The following PACRG variants were observed in gnomAD, a reference collection of about 807,000 sequenced individuals.
PACRG encodes parkin coregulated gene protein.
Under a neutral mutation model 29.7 loss-of-function variants are expected in PACRG, and 29 were observed. That is an observed-to-expected ratio of 0.98 (90% CI 0.73 to 1.33). PACRG has a LOEUF of 1.33. Ranked by LOEUF, PACRG falls within the 40% of genes most tolerant of loss-of-function variation. PACRG has a pLI of 0.00. For missense variants in PACRG, 279 were observed against 316.2 expected (o/e 0.88, Z 0.89); for synonymous variants, 116 against 118.7 (o/e 0.98, Z 0.15).
At chr6:162,818,902 C>T (rs1043641829) in intron 2 of PACRG, among the ~76,000 whole-genome samples, 4 of 152,046 alleles carry the variant, frequency 2.6e-5, no homozygotes, top group African/African-American at 9.7e-5. Context: ...GGATAGAATA[C>T]CACCCTTTTA....
chr6:163,295,262 A>C (rs889707451), intron 4 of PACRG, among the ~76,000 whole-genome samples: 1 of 152,238 alleles, frequency 6.6e-6, no homozygotes, highest in African/African-American at 2.4e-5. Context: ...AAAAGAAAAA[A>C]TGACACGGAC....
At chr6:163,116,168 G>A (rs905352109) in intron 4 of PACRG, among the ~76,000 whole-genome samples, 5 of 152,180 alleles carry the variant, frequency 3.3e-5, no homozygotes, top group African/African-American at 7.2e-5. Flanking sequence ...GAAGCATAGC[G>A]GCTTCTGCTC....
chr6:163,071,296 C>T (rs1419108498), intron 3 of PACRG, among the ~76,000 whole-genome samples: 1 of 152,058 alleles, frequency 6.6e-6, no homozygotes. Context: ...TGTTAGGTCA[C>T]AAAACAACTC....
intron 4 of PACRG, among the ~76,000 whole-genome samples, chr6:163,109,900 T>C (rs1206502117): frequency 3.3e-5 from 5 of 152,136 alleles, no homozygotes; most frequent in African/African-American, 1.2e-4. Context: ...AACTGGTTCA[T>C]TAGAGAGAAA....
At chr6:163,277,266 C>T (rs139926235) in intron 4 of PACRG, among the ~76,000 whole-genome samples, 1,688 of 152,060 alleles carry the variant, frequency 0.011, 32 homozygotes, top group African/African-American at 0.039. Flanking sequence ...ACGTACCCTT[C>T]CCCCTGAGTC....
intron 4 of PACRG, among the ~76,000 whole-genome samples, chr6:163,110,486 A>G (rs926346625): frequency 3.3e-5 from 5 of 152,190 alleles, no homozygotes; most frequent in Non-Finnish European, 5.9e-5. Flanking sequence ...TCCCCTCCAC[A>G]TGAGACACTG....
At chr6:162,899,347 G>A (rs912145876) in intron 2 of PACRG, among the ~76,000 whole-genome samples, 7 of 152,238 alleles carry the variant, frequency 4.6e-5, no homozygotes, top group South Asian at 2.1e-4. Context: ...GAAACCACGG[G>A]GGGAAAGCAG....
intron 2 of PACRG, among the ~76,000 whole-genome samples, chr6:162,829,869 C>T (rs1469493999): frequency 6.6e-6 from 1 of 152,058 alleles, no homozygotes; most frequent in Non-Finnish European, 1.5e-5. Context: ...CTGTCCTGAC[C>T]CTGTCATCAC....
At chr6:162,881,496 A>G (rs986868307) in intron 2 of PACRG, among the ~76,000 whole-genome samples, 1 of 152,182 alleles carries the variant, frequency 6.6e-6, no homozygotes, top group African/African-American at 2.4e-5. Context: ...TCCAATCATC[A>G]TGTTCAAGAG....
intron 4 of PACRG, among the ~76,000 whole-genome samples, chr6:163,185,307 AG>A (rs1779866317): frequency 6.6e-6 from 1 of 152,202 alleles, no homozygotes. Context: ...AAGCTAAGAA[AG>A]AAAGATCAGG....
At chr6:163,188,444 G>A (rs1780055170) in intron 4 of PACRG, among the ~76,000 whole-genome samples, 1 of 152,176 alleles carries the variant, frequency 6.6e-6, no homozygotes, top group Admixed American at 6.5e-5. Context: ...TCTTAGAGGT[G>A]AGCTTGTTAA....
chr6:163,010,721 C>T (rs2128210223), intron 2 of PACRG, among the ~76,000 whole-genome samples: 1 of 152,350 alleles, frequency 6.6e-6, no homozygotes, highest in Non-Finnish European at 1.5e-5. Flanking sequence ...AATTCGGTCA[C>T]TCAACGAGAA....
intron 2 of PACRG, among the ~76,000 whole-genome samples, chr6:163,037,798 C>T (rs1334494948): frequency 1.3e-5 from 2 of 152,172 alleles, no homozygotes; most frequent in South Asian, 2.1e-4. Flanking sequence ...TACTGCTGGC[C>T]GCTTGCTCTC....
In PACRG at chr6:163,238,265, C is replaced by A. The variant is rs184899365; in HGVS notation, c.614-76562C>A. Reference sequence around the variant, plus strand: ...TATTAGCTGAATAAATATTTATATGCATGATATAATGGAATAAAAGAGGGA... The same window carrying A: ...TATTAGCTGAATAAATATTTATATGAATGATATAATGGAATAAAAGAGGGA... On this transcript the variant is annotated intron_variant, in intron 4 of 4. Transcript: ENST00000366888. Among the ~76,000 whole-genome samples the A allele has an allele frequency of 2.1e-3, 322 of 152,132 alleles. 1 individual carries two copies. Among genetic ancestry groups the A allele is most frequent in the African/African-American group, 7.5e-3 (312 of 41,486 alleles).
chr6:162,985,663 T>G (rs1802826034), intron 2 of PACRG, among the ~76,000 whole-genome samples: 2 of 152,066 alleles, frequency 1.3e-5, no homozygotes, highest in South Asian at 4.1e-4. Context: ...GGATGTCCAC[T>G]TTCACCACTG....
intron 2 of PACRG, among the ~76,000 whole-genome samples, chr6:162,821,441 T>G (rs1048161165): frequency 1.3e-5 from 2 of 152,186 alleles, no homozygotes; most frequent in South Asian, 4.1e-4. Context: ...CAAGAAATGT[T>G]GTAAGTTTCA....
intron 1 of PACRG, among the ~76,000 whole-genome samples, chr6:162,783,388 A>G (rs1425707450): frequency 6.6e-6 from 1 of 151,932 alleles, no homozygotes; most frequent in Non-Finnish European, 1.5e-5. Context: ...TGTACTAAAC[A>G]TTTTTTAAGC....
At chr6:163,252,648 A>G (rs978087749) in intron 4 of PACRG, among the ~76,000 whole-genome samples, 1 of 152,196 alleles carries the variant, frequency 6.6e-6, no homozygotes, top group Non-Finnish European at 1.5e-5. Context: ...CCAGCTTTCA[A>G]TTTGTCAACT....
intron 4 of PACRG, among the ~76,000 whole-genome samples, chr6:163,102,305 C>T (rs1815140088): frequency 6.6e-6 from 1 of 152,194 alleles, no homozygotes; most frequent in African/African-American, 2.4e-5. Context: ...TGATGGCAGA[C>T]TTATTGAGGT....
Sources: allele counts gnomAD v4.1 joint callset (sites outside exome capture counted in the v4.1 genomes callset), GRCh38; gene constraint gnomAD v4.1.1; transcripts MANE v1.5; gene names NCBI Gene and HGNC (gene_info 2026-07-23, HGNC 2026-07-21).